HS6ST3: variants seen among roughly 807,000 people sequenced by gnomAD.
HS6ST3 encodes heparan-sulfate 6-O-sulfotransferase 3.
In HS6ST3, 12 loss-of-function variants were observed where a neutral mutation model predicts 36.7. The observed-to-expected ratio is 0.33, with a 90% CI of 0.21 to 0.53. HS6ST3 has a LOEUF of 0.53. Ranked by LOEUF, HS6ST3 falls within the 20% of genes least tolerant of loss-of-function variation. HS6ST3 has a pLI of 0.95. For missense variants in HS6ST3, 584 were observed against 640.9 expected (o/e 0.91, Z 0.96); for synonymous variants, 240 against 257.5 (o/e 0.93, Z 0.65).
chr13:96,668,921 A>G (rs1354302950), intron 1 of HS6ST3, among the ~76,000 whole-genome samples: 1 of 152,022 alleles, frequency 6.6e-6, no homozygotes, highest in African/African-American at 2.4e-5. Context: ...ATTTAAGGAT[A>G]AAGCGATAAA....
intron 1 of HS6ST3, among the ~76,000 whole-genome samples, chr13:96,312,289 A>C (rs1594750139): frequency 6.6e-6 from 1 of 152,290 alleles, no homozygotes; most frequent in South Asian, 2.1e-4. Flanking sequence ...TCATTATTTG[A>C]ATTATGAGTT....
chr13:96,157,211 C>T (rs1350014226), intron 1 of HS6ST3, among the ~76,000 whole-genome samples: 4 of 152,186 alleles, frequency 2.6e-5, no homozygotes, highest in Non-Finnish European at 4.4e-5. Flanking sequence ...TTGGAAAAGC[C>T]TTTGGCTCTG....
intron 1 of HS6ST3, among the ~76,000 whole-genome samples, chr13:96,168,260 C>G (rs933144997): frequency 2.0e-5 from 3 of 152,026 alleles, no homozygotes; most frequent in African/African-American, 7.2e-5. Flanking sequence ...TCTGAGCTCC[C>G]CGGGAGAATC....
At chr13:96,452,853 C>G (rs2055734896) in intron 1 of HS6ST3, among the ~76,000 whole-genome samples, 1 of 152,092 alleles carries the variant, frequency 6.6e-6, no homozygotes, top group South Asian at 2.1e-4. Context: ...TAGGAACTTT[C>G]TACCCTACTA....
At chr13:96,732,871 AT>A (rs1234538998) in intron 1 of HS6ST3, among the ~76,000 whole-genome samples, 2 of 152,020 alleles carry the variant, frequency 1.3e-5, no homozygotes, top group Non-Finnish European at 2.9e-5. Context: ...TGTTTGTTAA[AT>A]TTATTCCGAA....
intron 1 of HS6ST3, among the ~76,000 whole-genome samples, chr13:96,716,454 A>G (rs926759437): frequency 3.9e-5 from 6 of 152,206 alleles, no homozygotes; most frequent in Admixed American, 3.9e-4. Context: ...TCTAGGAATA[A>G]CCAGGAGAGT....
At position 96,299,530 on chromosome 13, in the gene HS6ST3, G is replaced by A. The variant is rs568286727; in HGVS notation, c.707+207961G>A. On this transcript the variant is annotated intron_variant, in intron 1 of 1. Transcript: ENST00000376705. ...CTGTGAAGGGCATTCCAGAACAATG[G>A]AACAGAGTGGGAAAAGCACAATAGC... Among the ~76,000 whole-genome samples the A allele has an allele frequency of 2.0e-5, 3 of 152,276 alleles. No individual in the cohort carries two copies. The South Asian group carries it at 6.2e-4, about 32-fold the overall frequency.
chr13:96,223,649 G>T (rs2054466331), intron 1 of HS6ST3, among the ~76,000 whole-genome samples: 1 of 149,306 alleles, frequency 6.7e-6, no homozygotes, highest in African/African-American at 2.4e-5. Flanking sequence ...TTCTGGAATG[G>T]ATATGGGGGG....
chr13:96,621,589 C>T (rs891450763), intron 1 of HS6ST3, among the ~76,000 whole-genome samples: 1 of 152,178 alleles, frequency 6.6e-6, no homozygotes, highest in Non-Finnish European at 1.5e-5. Context: ...TTCCCTTTCT[C>T]TCCAAGACTG....
chr13:96,195,569 T>C (rs1309351421), intron 1 of HS6ST3, among the ~76,000 whole-genome samples: 1 of 152,162 alleles, frequency 6.6e-6, no homozygotes. Context: ...TGGGACTCTA[T>C]TGCTTGATGT....
At chr13:96,194,937 A>C (rs2054305137) in intron 1 of HS6ST3, among the ~76,000 whole-genome samples, 1 of 152,100 alleles carries the variant, frequency 6.6e-6, no homozygotes, top group African/African-American at 2.4e-5. Context: ...CCATTTCCAA[A>C]CTTTAATTAA....
chr13:96,774,283 A>T (rs1450472763), intron 1 of HS6ST3, among the ~76,000 whole-genome samples: 1 of 152,160 alleles, frequency 6.6e-6, no homozygotes. Flanking sequence ...CCTCCAAAGG[A>T]TCACAACTCC....
Position 96,660,133 on chromosome 13 carries a change from A to T in HS6ST3, c.708-172357A>T, listed in dbSNP as rs566480452. Among the ~76,000 whole-genome samples, 3 of 152,218 alleles carry T rather than the reference A, an allele frequency of 2.0e-5. No homozygotes were observed. In the East Asian group the frequency reaches 5.8e-4, roughly 29 times the overall value. On this transcript the variant is annotated intron_variant, in intron 1 of 1. Transcript: ENST00000376705. Reference sequence around the variant, plus strand: ...GGAATAACAAGACAATTAAATTTTTAATGAAGAAAGCCTCTATTTTGTAGT... The same window carrying T: ...GGAATAACAAGACAATTAAATTTTTTATGAAGAAAGCCTCTATTTTGTAGT...
At chr13:96,268,243 T>G (rs2054702520) in intron 1 of HS6ST3, among the ~76,000 whole-genome samples, 1 of 152,012 alleles carries the variant, frequency 6.6e-6, no homozygotes, top group Admixed American at 6.6e-5. Flanking sequence ...TACCAGAGAC[T>G]GGGTAATTTA....
chr13:96,208,123 T>G (rs2054381118), intron 1 of HS6ST3, among the ~76,000 whole-genome samples: 1 of 152,212 alleles, frequency 6.6e-6, no homozygotes. Flanking sequence ...ATTACCATTA[T>G]AATTCTAAAA....
At chr13:96,367,262 A>C (rs1459136809) in intron 1 of HS6ST3, among the ~76,000 whole-genome samples, 1 of 152,230 alleles carries the variant, frequency 6.6e-6, no homozygotes, top group Non-Finnish European at 1.5e-5. Context: ...GTAAAACTTT[A>C]AGTAACCCTG....
intron 1 of HS6ST3, among the ~76,000 whole-genome samples, chr13:96,653,691 C>A (rs760838476): frequency 8.5e-5 from 13 of 152,094 alleles, no homozygotes; most frequent in African/African-American, 3.1e-4. Flanking sequence ...GTCTTTATAG[C>A]AGAATGATTT....
intron 1 of HS6ST3, among the ~76,000 whole-genome samples, chr13:96,324,632 A>C: frequency 6.6e-6 from 1 of 152,242 alleles, no homozygotes; most frequent in East Asian, 1.9e-4. Context: ...GATCAGATTA[A>C]GATGAGGTCA....
chr13:96,256,400 CCT>C (rs1443985445), intron 1 of HS6ST3, among the ~76,000 whole-genome samples: 1 of 152,178 alleles, frequency 6.6e-6, no homozygotes, highest in Non-Finnish European at 1.5e-5. Context: ...AACCTTCAAG[CCT>C]CAGTTTTACT....
Sources: allele counts gnomAD v4.1 joint callset (sites outside exome capture counted in the v4.1 genomes callset), GRCh38; gene constraint gnomAD v4.1.1; transcripts MANE v1.5; gene names NCBI Gene and HGNC (gene_info 2026-07-23, HGNC 2026-07-21).